PCDHGA2: variants seen among roughly 807,000 people sequenced by gnomAD.
PCDHGA2 encodes the protein protocadherin gamma subfamily A, 2, also known as protocadherin gamma-A2.
In PCDHGA2, 40 loss-of-function variants were observed where a neutral mutation model predicts 59.2. The ratio of observed to expected loss-of-function variants is 0.68; its 90% CI spans 0.52 to 0.88. PCDHGA2 has a LOEUF of 0.88. PCDHGA2 is among the 40% of genes least tolerant of loss of function. PCDHGA2 has a pLI of 0.00. For synonymous variants in PCDHGA2, 560 were observed against 526.0 expected, an observed-to-expected ratio of 1.06 and a Z score of -0.89; for missense variants, 1,226 against 1,204.0, an observed-to-expected ratio of 1.02 and a Z score of -0.27.
rs2099415271 is a variant in PCDHGA2, at chr5:141,477,659, G to A, written c.2425-17148G>A. 6.2e-7 allele frequency: 1 copy of A among 1,614,194 alleles called. No individual in the cohort carries two copies. The highest frequency in any genetic ancestry group is 1.3e-5 in the African/African-American group (1 of 75,046). ...GGGTCGCTATTTCACAATAAATCGT[G>A]ACAATGGCATAGTGTCATCCTTAGT... On this transcript the variant is annotated intron_variant, in intron 1 of 3. Transcript: ENST00000394576. The surrounding 1 kb of genome is among the most constrained non-coding windows in gnomAD (Gnocchi z 4.9).
chr5:141,488,131 G>A (rs2099672034), intron 1 of PCDHGA2, among the ~76,000 whole-genome samples: 1 of 152,202 alleles, frequency 6.6e-6, no homozygotes, highest in Non-Finnish European at 1.5e-5. Context: ...GCAGAAAGAG[G>A]AGAGAACTAA....
chr5:141,471,003 C>A (rs2099246040), intron 1 of PCDHGA2, among the ~76,000 whole-genome samples: 1 of 151,658 alleles, frequency 6.6e-6, no homozygotes, highest in East Asian at 1.9e-4. Flanking sequence ...AGGCATGAGC[C>A]ACTGTGCCTG....
At chr5:141,415,772 T>TTTTTTA in intron 1 of PCDHGA2, 1 of 1,332,986 alleles carries the variant, frequency 7.5e-7, no homozygotes, top group Non-Finnish European at 9.6e-7. Flanking sequence ...TTTTTTTTTT[T>TTTTTTA]ACTTTCTGGT....
At chr5:141,480,653 T>C (rs1214823403) in intron 1 of PCDHGA2, among the ~76,000 whole-genome samples, 2 of 152,190 alleles carry the variant, frequency 1.3e-5, no homozygotes, top group Admixed American at 1.3e-4. Context: ...TGGTTGCACA[T>C]TAAAATCACC....
chr5:141,432,918 A>C lies in PCDHGA2; in HGVS notation c.2425-61889A>C. ...CTGGCGCTCAGGCTGCGGCGCTGGC[A>C]CAAGTCACGCCTGCTGCAGGCTTCA... On this transcript the variant is annotated intron_variant, in intron 1 of 3. Coordinates refer to ENST00000394576, the MANE Select transcript of PCDHGA2 (RefSeq NM_018915.4). This position sits in a 1 kb window ranked among gnomAD's most constrained non-coding sequence, Gnocchi z 6.0. 1 of 1,614,128 alleles carries C rather than the reference A, an allele frequency of 6.2e-7. No homozygotes were observed. Among genetic ancestry groups the C allele is most frequent in the South Asian group, 1.1e-5 (1 of 91,082 alleles).
chr5:141,356,741 T>C, intron 1 of PCDHGA2: 1 of 1,614,006 alleles, frequency 6.2e-7, no homozygotes, highest in Non-Finnish European at 8.5e-7. Flanking sequence ...ACAGGGATCC[T>C]ATATGCTCTT....
At chr5:141,460,993 A>T (rs1230217075) in intron 1 of PCDHGA2, among the ~76,000 whole-genome samples, 1 of 143,898 alleles carries the variant, frequency 6.9e-6, no homozygotes, top group South Asian at 2.2e-4. Flanking sequence ...GTATATATAT[A>T]TATGTGTATA....
rs371319055 is a variant in PCDHGA2 at position 141,399,494 on chromosome 5, G to C, written c.2424+58099G>C. 328 of 1,614,032 alleles carry C rather than the reference G, an allele frequency of 2.0e-4. 1 individual carries two copies. The highest frequency in any genetic ancestry group is 1.7e-3 in the South Asian group (152 of 91,086). ...TTCCACCAGGCGTCCTACTTAGTCA[G>C]TGTACCCGAAAACAACCCTCCTGGG... is the stretch of plus-strand genomic sequence containing the variant. On this transcript the variant is annotated intron_variant, in intron 1 of 3. Coordinates refer to ENST00000394576, the MANE Select transcript of PCDHGA2 (RefSeq NM_018915.4).
Position 141,350,783 on chromosome 5 carries a change from TTC to T in PCDHGA2, c.2424+9394_2424+9395del, listed in dbSNP as rs201293239. On this transcript the variant is annotated intron_variant, in intron 1 of 3. Transcript: ENST00000394576. ...ATACACCATCAACCCCAATCAATAC[TTC>T]TCTCTGTCAACGAAGGAAAGTCCTG... 2.1e-4 allele frequency: 345 copies of T among 1,613,962 alleles called. 2 individuals carry two copies. The East Asian group carries it at 4.8e-3, about 23-fold the overall frequency.
intron 1 of PCDHGA2, among the ~76,000 whole-genome samples, chr5:141,353,307 A>G (rs2149774252): frequency 6.6e-6 from 1 of 152,340 alleles, no homozygotes; most frequent in African/African-American, 2.4e-5. Context: ...TTATAAATGT[A>G]TTTAGAGTTC....
Position 141,485,992 on chromosome 5 carries a change from C to T in PCDHGA2, c.2425-8815C>T. The T allele has an allele frequency of 6.2e-7, 1 of 1,614,156 alleles. No individual in the cohort carries two copies. The highest frequency in any genetic ancestry group is 2.2e-5 in the East Asian group (1 of 44,870). On this transcript the variant is annotated intron_variant, in intron 1 of 3. Coordinates refer to ENST00000394576, the MANE Select transcript of PCDHGA2 (RefSeq NM_018915.4). The surrounding 1 kb of genome is among the most constrained non-coding windows in gnomAD (Gnocchi z 5.7). ...ATGCCTCAGACCCGGACCTGGGTCC[C>T]AGTGGTAACGTCACCTTTTATTTCA...
At position 141,489,924 on chromosome 5, in the gene PCDHGA2, C is replaced by G. The variant is rs755286650; in HGVS notation, c.2425-4883C>G. ...CAGCCCGCTCAGGGACCACCCTTAT[C>G]TCTGTCATCGTGCTGGACATCAATG... is the stretch of plus-strand genomic sequence containing the variant. On this transcript the variant is annotated intron_variant, in intron 1 of 3. Transcript: ENST00000394576. This position sits in a 1 kb window ranked among gnomAD's most constrained non-coding sequence, Gnocchi z 4.5. 22 of 1,614,226 alleles carry G rather than the reference C, an allele frequency of 1.4e-5. No homozygotes were observed. The highest frequency in any genetic ancestry group is 1.9e-5 in the Non-Finnish European group (22 of 1,180,030).
At chr5:141,465,922 T>A (rs7704812) in intron 1 of PCDHGA2, among the ~76,000 whole-genome samples, 42,795 of 151,826 alleles carry the variant, frequency 0.28, 6,697 homozygotes, top group African/African-American at 0.42. Flanking sequence ...GGATTTCGAG[T>A]CCATCCTGGC....
chr5:141,453,067 C>A (rs1227122711), intron 1 of PCDHGA2, among the ~76,000 whole-genome samples: 1 of 152,024 alleles, frequency 6.6e-6, no homozygotes, highest in African/African-American at 2.4e-5. Context: ...AGAGTTTTGC[C>A]ACACTCTGGT....
At chr5:141,389,829 C>T in intron 1 of PCDHGA2, 3 of 1,613,980 alleles carry the variant, frequency 1.9e-6, no homozygotes, top group Non-Finnish European at 2.5e-6. Context: ...TGACGGTGGA[C>T]AGCCACCACT....
chr5:141,377,014 G>T (rs1457623527), intron 1 of PCDHGA2: 1 of 155,140 alleles, frequency 6.4e-6, no homozygotes, highest in African/African-American at 2.4e-5. Flanking sequence ...TGGTTGACAG[G>T]AAAATTCAAG....
rs777873138 is a variant in PCDHGA2, at chr5:141,365,973, T to C, written c.2424+24578T>C. The stretch of plus-strand genomic sequence containing the variant: ...CCTCCACTTAGCAGCAACGTGTCGC[T>C]GAGCCTGTTTGTGCTGGACCAGAAC... On this transcript the variant is annotated intron_variant, in intron 1 of 3. Coordinates refer to ENST00000394576, the MANE Select transcript of PCDHGA2 (RefSeq NM_018915.4). The C allele has an allele frequency of 4.3e-5, 70 of 1,614,126 alleles. No individual in the cohort carries two copies. In the Admixed American group the frequency reaches 1.1e-3, roughly 27 times the overall value.
Position 141,489,427 on chromosome 5 carries a change from C to A in PCDHGA2, c.2425-5380C>A. ...AAAGATGACAGATCTGTTGAGCCGG[C>A]GGCTGCAATTGGGCTCTGAGGAGAA... On this transcript the variant is annotated intron_variant, in intron 1 of 3. Coordinates refer to ENST00000394576, the MANE Select transcript of PCDHGA2 (RefSeq NM_018915.4). This position sits in a 1 kb window ranked among gnomAD's most constrained non-coding sequence, Gnocchi z 4.5. The A allele has an allele frequency of 6.2e-7, 1 of 1,614,108 alleles. No individual in the cohort carries two copies. The highest frequency in any genetic ancestry group is 1.1e-5 in the South Asian group (1 of 91,086).
chr5:141,340,756 C>T lies in PCDHGA2; in HGVS notation c.1785C>T (p.Asp595=). ...GYLVTKVVAV[D]RDSGQNAWLS... Reference sequence around the variant, plus strand: ...TGGTGACCAAGGTGGTGGCGGTGGACAGAGACTCGGGCCAGAACGCCTGGC... The same window carrying T: ...TGGTGACCAAGGTGGTGGCGGTGGATAGAGACTCGGGCCAGAACGCCTGGC... The change falls in exon 1 of 4, where the codon GAC becomes GAT. Residue 595 remains aspartate, a synonymous_variant. Transcript: ENST00000394576. 1 of 1,613,994 alleles carries T rather than the reference C, an allele frequency of 6.2e-7. No homozygotes were observed. The highest frequency in any genetic ancestry group is 8.5e-7 in the Non-Finnish European group (1 of 1,180,024).
Sources: allele counts gnomAD v4.1 joint callset (sites outside exome capture counted in the v4.1 genomes callset), GRCh38; gene constraint gnomAD v4.1.1; non-coding constraint Gnocchi (gnomAD v3.1); transcripts MANE v1.5; gene names NCBI Gene and HGNC (gene_info 2026-07-23, HGNC 2026-07-21).